The following NIM1K variants were observed in gnomAD, a reference collection of about 807,000 sequenced individuals.
NIM1K encodes the protein NIM1 serine/threonine protein kinase.
In NIM1K, 35 loss-of-function variants were observed where a neutral mutation model predicts 37.1. That is an observed-to-expected ratio of 0.94 (90% CI 0.72 to 1.25). NIM1K has a LOEUF of 1.25. Among genes scored for constraint, NIM1K ranks in the 50% most tolerant of loss-of-function variants. The pLI, the probability that NIM1K is intolerant of heterozygous loss-of-function variation, is 0.00. For missense variants in NIM1K, 564 were observed against 548.0 expected (o/e 1.03, Z -0.29); for synonymous variants, 234 against 206.6 (o/e 1.13, Z -1.14).
chr5:43,206,638 T>C, intron 1 of NIM1K: 1 of 671,178 alleles, frequency 1.5e-6, no homozygotes, highest in Non-Finnish European at 2.8e-6. Context: ...ACTCCCTGCC[T>C]GCTGCAGCCT....
At chr5:43,221,447 C>CAAAA (rs55658060) in intron 1 of NIM1K, among the ~76,000 whole-genome samples, 47 of 124,052 alleles carry the variant, frequency 3.8e-4, no homozygotes, top group East Asian at 8.3e-4. Context: ...GAGACTGTCT[C>CAAAA]AAAAAAAAAA....
In NIM1K at chr5:43,244,514, C is replaced by A. The variant is rs191422166; in HGVS notation, c.-694-568C>A. On this transcript the variant is annotated intron_variant, in intron 1 of 3. Transcript: ENST00000326035. ...GTCACTGGCAATGCTGTAAACCCTC[C>A]TTTTCCACATCTTCAAAATAAGGTG... Among the ~76,000 whole-genome samples, 391 of 152,324 alleles carry A rather than the reference C, an allele frequency of 2.6e-3. 5 individuals are homozygous for A. Among genetic ancestry groups the A allele is most frequent in the African/African-American group, 9.0e-3 (375 of 41,588 alleles).
intron 3 of NIM1K, 77 bp from the exon 4 acceptor site, chr5:43,279,903 G>C: frequency 8.3e-7 from 1 of 1,199,244 alleles, no homozygotes; most frequent in Non-Finnish European, 1.2e-6. Context: ...TTATCTCACT[G>C]TTTCAGAGCA....
chr5:43,267,468 C>G (rs1265829602), intron 2 of NIM1K, among the ~76,000 whole-genome samples: 1 of 152,050 alleles, frequency 6.6e-6, no homozygotes, highest in African/African-American at 2.4e-5. Flanking sequence ...CTGCTCTGGT[C>G]TTTGTTGTTT....
chr5:43,255,037 G>A (rs909313920), intron 2 of NIM1K, among the ~76,000 whole-genome samples: 21 of 152,100 alleles, frequency 1.4e-4, no homozygotes, highest in Middle Eastern at 3.4e-3. Flanking sequence ...GTTCATTGTC[G>A]TGTTATTTAT....
chr5:43,199,590 G>A (rs1359957370), intron 1 of NIM1K, among the ~76,000 whole-genome samples: 1 of 152,134 alleles, frequency 6.6e-6, no homozygotes, highest in Non-Finnish European at 1.5e-5. Flanking sequence ...AGCTGCTCCA[G>A]CTGCAACTAT....
chr5:43,247,533 C>G (rs573368908), intron 2 of NIM1K, among the ~76,000 whole-genome samples: 1 of 152,312 alleles, frequency 6.6e-6, no homozygotes, highest in Non-Finnish European at 1.5e-5. Context: ...TAGTTTTCAA[C>G]TGACTGCACA....
At chr5:43,223,680 A>G (rs960936356) in intron 1 of NIM1K, among the ~76,000 whole-genome samples, 1 of 152,186 alleles carries the variant, frequency 6.6e-6, no homozygotes, top group African/African-American at 2.4e-5. Context: ...CCTTTGAAAA[A>G]TCAGCTTCAC....
chr5:43,280,306 G>A lies in NIM1K; in HGVS notation c.888G>A (p.Glu296=), dbSNP rs1295826810. The A allele has an allele frequency of 6.2e-7, 1 of 1,614,118 alleles. No individual in the cohort carries two copies. The highest frequency in any genetic ancestry group is 1.7e-5 in the Admixed American group (1 of 60,008). ...ACAGTGTACCGCCGCACGTGTCAGAGCCCTGCCACCGACTCATCCGAGGAG... is the reference window on the plus strand; with the variant it reads ...ACAGTGTACCGCCGCACGTGTCAGAACCCTGCCACCGACTCATCCGAGGAG... ...GTYSVPPHVS[E]PCHRLIRGVL... is the part of the protein sequence containing the mutation. Residue 296 remains glutamate, a synonymous_variant, in exon 4 of 4, where the codon GAG becomes GAA. Coordinates refer to ENST00000326035, the MANE Select transcript of NIM1K (RefSeq NM_153361.4).
At position 43,245,907 on chromosome 5, in the gene NIM1K, G is replaced by A. The variant is rs772273652; in HGVS notation, c.132G>A (p.Gln44=). 5 of 1,614,058 alleles carry A rather than the reference G, an allele frequency of 3.1e-6. No individual in the cohort carries two copies. The East Asian group carries it at 6.7e-5, about 22-fold the overall frequency. ...SKEGEEGQPR[Q]LTPFEKLTQD... is the part of the protein sequence containing the mutation. ...AGGGTGAGGAGGGACAGCCCCGCCA[G>A]CTGACGCCCTTCGAGAAACTGACAC... Residue 44 remains glutamine (Q), a synonymous_variant, in exon 2 of 4, where the codon CAG becomes CAA. Transcript: ENST00000326035.
intron 1 of NIM1K, among the ~76,000 whole-genome samples, chr5:43,218,531 A>T (rs897149826): frequency 2.6e-5 from 4 of 152,050 alleles, no homozygotes; most frequent in African/African-American, 9.7e-5. Context: ...ATGGTGAGAG[A>T]GGGAGTGAAA....
intron 2 of NIM1K, among the ~76,000 whole-genome samples, chr5:43,263,752 G>C (rs942830813): frequency 6.6e-6 from 1 of 152,042 alleles, no homozygotes; most frequent in African/African-American, 2.4e-5. Flanking sequence ...TCTCTTGTGA[G>C]CATTTAATGC....
rs1186976051 is a variant in NIM1K, at chr5:43,280,331, G to A, written c.913G>A (p.Val305Ile). The A allele has an allele frequency of 1.2e-6, 2 of 1,614,172 alleles. No individual in the cohort carries two copies. The highest frequency in any genetic ancestry group is 2.2e-5 in the East Asian group (1 of 44,866). ...GCCCTGCCACCGACTCATCCGAGGA[G>A]TCCTTCAGCAGATCCCCACGGAGAG... ...SEPCHRLIRG[V>I]LQQIPTERYG... The change falls in exon 4 of 4, where the codon GTC becomes ATC. Residue 305 changes from valine (V) to isoleucine (I), a missense_variant. Coordinates refer to ENST00000326035, the MANE Select transcript of NIM1K (RefSeq NM_153361.4).
intron 2 of NIM1K, among the ~76,000 whole-genome samples, chr5:43,271,969 G>C (rs1409597928): frequency 6.6e-6 from 1 of 151,878 alleles, no homozygotes; most frequent in East Asian, 1.9e-4. Flanking sequence ...ATACTTCTCG[G>C]GCAATTCATC....
At chr5:43,208,084 C>CT (rs1227602345) in intron 1 of NIM1K, among the ~76,000 whole-genome samples, 2 of 152,048 alleles carry the variant, frequency 1.3e-5, no homozygotes, top group African/African-American at 4.8e-5. Flanking sequence ...ATTTTTGTTC[C>CT]TTTTTATTTC....
At chr5:43,260,381 G>T (rs1753009091) in intron 2 of NIM1K, among the ~76,000 whole-genome samples, 1 of 151,998 alleles carries the variant, frequency 6.6e-6, no homozygotes, top group Non-Finnish European at 1.5e-5. Flanking sequence ...TATGGCTTTT[G>T]TTATTTTGAG....
At chr5:43,279,693 T>C (rs1402773823) in intron 3 of NIM1K, among the ~76,000 whole-genome samples, 1 of 152,196 alleles carries the variant, frequency 6.6e-6, no homozygotes, top group Non-Finnish European at 1.5e-5. Context: ...TCAGAATGTG[T>C]AGTTTCATAA....
At chr5:43,273,365 G>T (rs957249848) in intron 2 of NIM1K, among the ~76,000 whole-genome samples, 1 of 151,904 alleles carries the variant, frequency 6.6e-6, no homozygotes, top group Non-Finnish European at 1.5e-5. Flanking sequence ...CACCATGCCT[G>T]GCTAATTTTT....
At chr5:43,276,910 C>A (rs1753349911) in intron 2 of NIM1K, 147 bp from the exon 3 acceptor site, 1 of 777,408 alleles carries the variant, frequency 1.3e-6, no homozygotes, top group East Asian at 2.5e-5. Context: ...TGGGCTTAAG[C>A]ATTGCTTTGT....
Sources: allele counts gnomAD v4.1 joint callset (sites outside exome capture counted in the v4.1 genomes callset), GRCh38; gene constraint gnomAD v4.1.1; transcripts MANE v1.5; gene names NCBI Gene and HGNC (gene_info 2026-07-23, HGNC 2026-07-21).